Variants in GRID2 observed in about 807,000 individuals in gnomAD.
GRID2 encodes glutamate ionotropic receptor delta type subunit 2, also known as glutamate receptor ionotropic, delta-2.
GRID2 carries 33 observed loss-of-function variants against 114.8 expected under a neutral mutation model. That is an observed-to-expected ratio of 0.29 (90% CI 0.22 to 0.38). The LOEUF is 0.38. Among genes scored for constraint, GRID2 ranks in the 10% least tolerant of loss-of-function variants. The pLI is 1.00. For synonymous variants in GRID2, 505 were observed against 449.9 expected (o/e 1.12, Z -1.55); for missense variants, 1,184 against 1,257.7 (o/e 0.94, Z 0.89).
intron 8 of GRID2, among the ~76,000 whole-genome samples, chr4:93,383,305 A>G (rs549356674): frequency 6.6e-6 from 1 of 152,272 alleles, no homozygotes; most frequent in African/African-American, 2.4e-5. Flanking sequence ...TTTGGATTAT[A>G]ACATTCCTTT....
chr4:92,810,927 G>T (rs1232071973), intron 2 of GRID2, among the ~76,000 whole-genome samples: 1 of 152,036 alleles, frequency 6.6e-6, no homozygotes. Context: ...GATTATCTGG[G>T]ACTACAGGTG....
intron 12 of GRID2, among the ~76,000 whole-genome samples, chr4:93,512,318 T>C (rs1299953197): frequency 6.6e-6 from 1 of 152,198 alleles, no homozygotes; most frequent in African/African-American, 2.4e-5. Context: ...ATATTTCCTT[T>C]AAAGGCTCAT....
chr4:92,813,664 A>G (rs920917809), intron 2 of GRID2, among the ~76,000 whole-genome samples: 2 of 152,096 alleles, frequency 1.3e-5, no homozygotes, highest in Non-Finnish European at 2.9e-5. Flanking sequence ...GCACGCACAC[A>G]CACACACATA....
intron 2 of GRID2, among the ~76,000 whole-genome samples, chr4:92,779,717 T>A (rs1329565310): frequency 6.6e-6 from 1 of 152,060 alleles, no homozygotes; most frequent in Non-Finnish European, 1.5e-5. Context: ...TATAATGAGT[T>A]TTCCAATAAG....
chr4:92,935,974 G>A lies in GRID2; in HGVS notation c.245-149021G>A, dbSNP rs185077353. Among the ~76,000 whole-genome samples the A allele has an allele frequency of 4.7e-3, 676 of 145,336 alleles. 23 individuals are homozygous for A. Among genetic ancestry groups the A allele is most frequent in the African/African-American group, 0.016 (638 of 41,022 alleles). On this transcript the variant is annotated intron_variant, in intron 2 of 15. Transcript: ENST00000282020. ...TGGGTGCAGCACACCAGCATGGCAC[G>A]TGTATACATATGTAACTAACCTGCA...
At chr4:92,638,106 GTCATT>G in intron 2 of GRID2, among the ~76,000 whole-genome samples, 1 of 151,880 alleles carries the variant, frequency 6.6e-6, no homozygotes, top group East Asian at 1.9e-4. Context: ...CTTAGTGTCA[GTCATT>G]TCTAGATTTT....
intron 1 of GRID2, among the ~76,000 whole-genome samples, chr4:92,575,294 A>T (rs891332216): frequency 1.3e-5 from 2 of 152,102 alleles, no homozygotes; most frequent in African/African-American, 4.8e-5. Flanking sequence ...TTTTATCTGC[A>T]TTTTGAAGTC....
intron 2 of GRID2, among the ~76,000 whole-genome samples, chr4:92,802,647 C>T (rs1356040552): frequency 6.6e-6 from 1 of 151,944 alleles, no homozygotes; most frequent in Non-Finnish European, 1.5e-5. Context: ...GCTTTTCATA[C>T]AATAAGGTGC....
chr4:93,606,858 T>G (rs548182915), intron 13 of GRID2, among the ~76,000 whole-genome samples: 34 of 152,298 alleles, frequency 2.2e-4, no homozygotes, highest in African/African-American at 7.0e-4. Context: ...TTTTACTGTA[T>G]ATGTTAATGA....
intron 2 of GRID2, among the ~76,000 whole-genome samples, chr4:92,765,211 A>G (rs1250137418): frequency 6.6e-6 from 1 of 152,200 alleles, no homozygotes; most frequent in Non-Finnish European, 1.5e-5. Flanking sequence ...AATGGTATAA[A>G]TCATTAATAT....
At chr4:92,345,850 C>G (rs1356715139) in intron 1 of GRID2, among the ~76,000 whole-genome samples, 1 of 152,118 alleles carries the variant, frequency 6.6e-6, no homozygotes, top group Non-Finnish European at 1.5e-5. Context: ...TTAGCCTTCT[C>G]CTTTTGGTTT....
At chr4:92,916,442 G>A (rs1748799743) in intron 2 of GRID2, among the ~76,000 whole-genome samples, 1 of 152,106 alleles carries the variant, frequency 6.6e-6, no homozygotes, top group Admixed American at 6.6e-5. Context: ...CACGTGCCAT[G>A]TTGGTGTGCT....
intron 2 of GRID2, among the ~76,000 whole-genome samples, chr4:92,629,868 A>G (rs943901552): frequency 2.7e-5 from 4 of 147,784 alleles, no homozygotes; most frequent in Non-Finnish European, 4.5e-5. Context: ...GTAATTATAT[A>G]ATAAAATCAG....
chr4:93,408,197 A>C (rs1766724968), intron 9 of GRID2, among the ~76,000 whole-genome samples: 1 of 152,162 alleles, frequency 6.6e-6, no homozygotes, highest in Non-Finnish European at 1.5e-5. Flanking sequence ...CACTCATCAA[A>C]AACAAAGCGT....
At chr4:92,597,705 G>A (rs1729020360) in intron 2 of GRID2, among the ~76,000 whole-genome samples, 1 of 152,098 alleles carries the variant, frequency 6.6e-6, no homozygotes. Context: ...ATGGTGCATG[G>A]ATATGGTAAC....
At position 92,943,429 on chromosome 4, in the gene GRID2, T is replaced by G. The variant is rs567084364; in HGVS notation, c.245-141566T>G. On this transcript the variant is annotated intron_variant, in intron 2 of 15. Transcript: ENST00000282020. The stretch of plus-strand genomic sequence containing the variant: ...TCTCATGCCATGGTTTTCAGCTCCA[T>G]CAGGTCGTTTAAAGACTTCTCTGCA... 1.1e-4 allele frequency among the ~76,000 whole-genome samples: 17 copies of G among 152,322 alleles called. 1 individual carries two copies. The highest frequency in any genetic ancestry group is 4.1e-4 in the African/African-American group (17 of 41,570).
Position 92,654,892 on chromosome 4 carries a change from C to A in GRID2, c.244+64606C>A, listed in dbSNP as rs144171610. ...GATTGTTTCTTTTGCTTTGAAGAAGCTTTTTAGTTGAATATGTCTCATTAA... is the reference window on the plus strand; with the variant it reads ...GATTGTTTCTTTTGCTTTGAAGAAGATTTTTAGTTGAATATGTCTCATTAA... On this transcript the variant is annotated intron_variant, in intron 2 of 15. Coordinates refer to ENST00000282020, the MANE Select transcript of GRID2 (RefSeq NM_001510.4). 6.5e-3 allele frequency among the ~76,000 whole-genome samples: 991 copies of A among 151,982 alleles called. 11 individuals are homozygous for A. The highest frequency in any genetic ancestry group is 0.011 in the Non-Finnish European group (750 of 67,922).
intron 1 of GRID2, among the ~76,000 whole-genome samples, chr4:92,402,566 C>T (rs1446180355): frequency 6.6e-6 from 1 of 152,176 alleles, no homozygotes; most frequent in Non-Finnish European, 1.5e-5. Flanking sequence ...AGATCCACTG[C>T]AAATGAGTAC....
At chr4:92,707,986 G>C (rs959338389) in intron 2 of GRID2, among the ~76,000 whole-genome samples, 4 of 152,242 alleles carry the variant, frequency 2.6e-5, no homozygotes, top group African/African-American at 4.8e-5. Context: ...GAGGGAATGA[G>C]AACCAATGGA....
Sources: gnomAD v4.1 joint callset for allele counts (sites outside exome capture counted in the v4.1 genomes callset) on GRCh38, gnomAD v4.1.1 for gene constraint, MANE v1.5 for transcripts, NCBI Gene and HGNC (gene_info 2026-07-23, HGNC 2026-07-21) for gene names.